EYA4: variants seen among roughly 807,000 people sequenced by gnomAD.
EYA4 encodes protein phosphatase EYA4.
A neutral mutation model predicts 87.9 loss-of-function variants in EYA4; 31 were observed. That is an observed-to-expected ratio of 0.35 (90% CI 0.27 to 0.48). The LOEUF is 0.48. Ranked by LOEUF, EYA4 falls within the 20% of genes least tolerant of loss-of-function variation. The pLI is 0.99. For synonymous variants in EYA4, 263 were observed against 270.6 expected (o/e 0.97, Z 0.28); for missense variants, 678 against 761.4 (o/e 0.89, Z 1.29).
intron 3 of EYA4, among the ~76,000 whole-genome samples, chr6:133,440,631 T>G (rs535404013): frequency 1.1e-4 from 16 of 152,318 alleles, no homozygotes; most frequent in Admixed American, 1.0e-3. Flanking sequence ...TCTGAGGTAT[T>G]TAAACATTGA....
At chr6:133,509,044 A>G (rs982560715) in intron 14 of EYA4, among the ~76,000 whole-genome samples, 4 of 152,182 alleles carry the variant, frequency 2.6e-5, no homozygotes, top group Admixed American at 1.3e-4. Context: ...GTGCCACACA[A>G]ATGCTTGCAC....
intron 1 of EYA4, among the ~76,000 whole-genome samples, chr6:133,266,534 G>A (rs955322295): frequency 2.0e-5 from 3 of 152,140 alleles, no homozygotes; most frequent in African/African-American, 7.2e-5. Context: ...AACATGCTAT[G>A]TTGTAAATAA....
intron 13 of EYA4, 35 bp from the exon 14 acceptor site, chr6:133,506,071 A>G (rs1798591101): frequency 3.2e-6 from 4 of 1,268,152 alleles, no homozygotes; most frequent in Non-Finnish European, 4.6e-6. Flanking sequence ...CGCTTACTGA[A>G]ATTTTACCTC....
chr6:133,445,664 C>T (rs888913203), intron 3 of EYA4, among the ~76,000 whole-genome samples: 30 of 151,848 alleles, frequency 2.0e-4, no homozygotes, highest in African/African-American at 6.8e-4. Flanking sequence ...CTGCAAGCTC[C>T]GCATCCCAGG....
intron 5 of EYA4, among the ~76,000 whole-genome samples, chr6:133,452,342 A>G (rs1345675008): frequency 6.6e-6 from 1 of 152,150 alleles, no homozygotes; most frequent in Non-Finnish European, 1.5e-5. Context: ...AACTACACTG[A>G]TTTATGAAGA....
intron 10 of EYA4, among the ~76,000 whole-genome samples, chr6:133,466,593 A>G (rs1794863394): frequency 6.6e-6 from 1 of 152,124 alleles, no homozygotes; most frequent in South Asian, 2.1e-4. Context: ...GGCCTGCGAA[A>G]ACATCAACTG....
Position 133,523,399 on chromosome 6 carries a change from T to C in EYA4, c.1738+222T>C, listed in dbSNP as rs1032363264. On this transcript the variant is annotated intron_variant, in intron 18 of 19. Coordinates refer to ENST00000355286, the MANE Select transcript of EYA4 (RefSeq NM_004100.5). Reference sequence around the variant, plus strand: ...TGAGTATAGATATTTCATTCTTGTATTTCACAGAATATTACAGCCCATGTT... The same window carrying C: ...TGAGTATAGATATTTCATTCTTGTACTTCACAGAATATTACAGCCCATGTT... Among the ~76,000 whole-genome samples the C allele has an allele frequency of 1.7e-4, 26 of 152,340 alleles. 1 individual carries two copies. The highest frequency in any genetic ancestry group is 1.6e-3 in the Admixed American group (25 of 15,290).
intron 3 of EYA4, among the ~76,000 whole-genome samples, chr6:133,404,307 C>T (rs1048938820): frequency 6.6e-6 from 1 of 152,110 alleles, no homozygotes; most frequent in Non-Finnish European, 1.5e-5. Flanking sequence ...AGATAAGATC[C>T]CCAGTTACCA....
At chr6:133,313,131 A>G (rs769128636) in intron 2 of EYA4, among the ~76,000 whole-genome samples, 9 of 152,188 alleles carry the variant, frequency 5.9e-5, no homozygotes, top group Non-Finnish European at 1.3e-4. Flanking sequence ...GAAGTTACAT[A>G]TTGGACTTAT....
chr6:133,377,481 C>T (rs529393495), intron 2 of EYA4, among the ~76,000 whole-genome samples: 1 of 150,982 alleles, frequency 6.6e-6, no homozygotes, highest in African/African-American at 2.4e-5. Context: ...ATATCTCAGG[C>T]ATTCAGTAAA....
At chr6:133,448,284 G>A in intron 5 of EYA4, 105 bp downstream of exon 5, 1 of 873,538 alleles carries the variant, frequency 1.1e-6, no homozygotes, top group Non-Finnish European at 1.9e-6. Flanking sequence ...TCTGTGTTCA[G>A]TACTTAAAAA....
chr6:133,294,130 T>C (rs2128302686), intron 2 of EYA4, among the ~76,000 whole-genome samples: 1 of 146,158 alleles, frequency 6.8e-6, no homozygotes, highest in Non-Finnish European at 1.5e-5. Context: ...TATTATGATA[T>C]TATGAGTTGC....
At chr6:133,522,229 T>A (rs1232383702) in intron 17 of EYA4, among the ~76,000 whole-genome samples, 1 of 136,534 alleles carries the variant, frequency 7.3e-6, no homozygotes, top group East Asian at 2.6e-4. Context: ...ACGTGCAGGC[T>A]TGTTACATAT....
At chr6:133,512,801 G>T in intron 15 of EYA4, 22 bp downstream of exon 15, 1 of 1,612,002 alleles carries the variant, frequency 6.2e-7, no homozygotes, top group Non-Finnish European at 8.5e-7. Context: ...CTTTCAGTAT[G>T]CTGTTTCCTA....
rs967099835 is a variant in EYA4, at chr6:133,518,359, T to C, written c.1616+2924T>C. 4.6e-5 allele frequency among the ~76,000 whole-genome samples: 7 copies of C among 152,230 alleles called. No homozygotes were observed. The South Asian group carries it at 1.4e-3, about 32-fold the overall frequency. On this transcript the variant is annotated intron_variant, in intron 17 of 19. Coordinates refer to ENST00000355286, the MANE Select transcript of EYA4 (RefSeq NM_004100.5). ...GAGGAGAAAAAGAAATCAACATACA[T>C]TGAGTAGTTACATGCTATGGAATTT...
At chr6:133,322,470 CT>C (rs1781166348) in intron 2 of EYA4, among the ~76,000 whole-genome samples, 1 of 152,096 alleles carries the variant, frequency 6.6e-6, no homozygotes, top group African/African-American at 2.4e-5. Context: ...GGCCAAGAGT[CT>C]TTGAAAACAT....
Position 133,462,716 on chromosome 6 carries a change from T to C in EYA4, c.676T>C (p.Phe226Leu). 1 of 1,613,734 alleles carries C rather than the reference T, an allele frequency of 6.2e-7. No individual in the cohort carries two copies. The highest frequency in any genetic ancestry group is 8.5e-7 in the Non-Finnish European group (1 of 1,179,868). The change falls in exon 9 of 20, where the codon TTC becomes CTC. Residue 226 changes from phenylalanine to leucine, a missense_variant. Physicochemically the swap from Phe to Leu is conservative, Grantham distance 22 (BLOSUM62 0). Transcript: ENST00000355286. ...QSGCLSYSPG[F>L]STPQPGQTPY... ...TGGCTGCCTCAGTTACAGCCCAGGGTTCTCTACCCCACAGCCAGGCCAGAC... is the reference window on the plus strand; with the variant it reads ...TGGCTGCCTCAGTTACAGCCCAGGGCTCTCTACCCCACAGCCAGGCCAGAC...
intron 3 of EYA4, among the ~76,000 whole-genome samples, chr6:133,387,406 T>C (rs550783755): frequency 2.6e-5 from 4 of 152,312 alleles, no homozygotes; most frequent in Admixed American, 6.5e-5. Context: ...CCCAATATTC[T>C]GTCTCCAAGA....
rs150982998 is a variant in EYA4, at chr6:133,368,265, CTTTG to C, written c.34-14120_34-14117del. On this transcript the variant is annotated intron_variant, in intron 2 of 19. Transcript: ENST00000355286. Reference sequence around the variant, plus strand: ...TTATATTTATAAAGTCTTCACCACACTTTGTTTGTTGTTCCTACCTCGCCCCGCT... The same window carrying C: ...TTATATTTATAAAGTCTTCACCACACTTTGTTGTTCCTACCTCGCCCCGCT... 2.8e-3 allele frequency among the ~76,000 whole-genome samples: 425 copies of C among 152,280 alleles called. 1 individual carries two copies. Among genetic ancestry groups the C allele is most frequent in the African/African-American group, 9.6e-3 (397 of 41,560 alleles).
Sources: gnomAD v4.1 joint callset for allele counts (sites outside exome capture counted in the v4.1 genomes callset) on GRCh38, gnomAD v4.1.1 for gene constraint, MANE v1.5 for transcripts, NCBI Gene and HGNC (gene_info 2026-07-23, HGNC 2026-07-21) for gene names.